The following ADRA1B variants were observed in gnomAD, a reference collection of about 807,000 sequenced individuals.
ADRA1B encodes the protein alpha-1B adrenergic receptor.
A neutral mutation model predicts 17.9 loss-of-function variants in ADRA1B; 17 were observed. The ratio of observed to expected loss-of-function variants is 0.95; its 90% CI spans 0.65 to 1.42. ADRA1B has a LOEUF of 1.42. ADRA1B is among the 40% of genes most tolerant of loss of function. ADRA1B has a pLI of 0.00. For synonymous variants in ADRA1B, 366 were observed against 327.6 expected, an observed-to-expected ratio of 1.12 and a Z score of -1.27; for missense variants, 681 against 722.1, an observed-to-expected ratio of 0.94 and a Z score of 0.65.
intron 1 of ADRA1B, chr5:159,869,203 A>T (rs1397671503): frequency 2.0e-5 from 3 of 152,238 alleles, no homozygotes; most frequent in African/African-American, 7.2e-5. Context: ...ACAGAGCTGA[A>T]TACTCCTACT....
At chr5:159,875,027 A>G (rs1720466719) in intron 1 of ADRA1B, among the ~76,000 whole-genome samples, 1 of 152,134 alleles carries the variant, frequency 6.6e-6, no homozygotes, top group African/African-American at 2.4e-5. Flanking sequence ...CAGGATGGCA[A>G]TTTCCTGGGA....
At chr5:159,876,933 C>G (rs1482193459) in intron 1 of ADRA1B, among the ~76,000 whole-genome samples, 1 of 152,210 alleles carries the variant, frequency 6.6e-6, no homozygotes, top group African/African-American at 2.4e-5. Flanking sequence ...GCCTGGCCAT[C>G]AGAGAGCAGG....
intron 1 of ADRA1B, among the ~76,000 whole-genome samples, chr5:159,878,141 G>T (rs900354842): frequency 1.3e-5 from 2 of 152,174 alleles, no homozygotes; most frequent in Non-Finnish European, 2.9e-5. Context: ...CCGACAGTCC[G>T]GGACGCCAGG....
At chr5:159,938,395 C>T (rs1008410992) in intron 1 of ADRA1B, among the ~76,000 whole-genome samples, 6 of 152,290 alleles carry the variant, frequency 3.9e-5, no homozygotes, top group Non-Finnish European at 5.9e-5. Context: ...ATGATGGAAA[C>T]GTTAGGGAAT....
intron 1 of ADRA1B, among the ~76,000 whole-genome samples, chr5:159,967,170 CT>C (rs2113292017): frequency 6.6e-6 from 1 of 152,040 alleles, no homozygotes; most frequent in South Asian, 2.1e-4. Context: ...GCATGTATTA[CT>C]TTTGAAATAA....
intron 1 of ADRA1B, among the ~76,000 whole-genome samples, chr5:159,933,379 G>A (rs965428903): frequency 1.3e-5 from 2 of 152,188 alleles, no homozygotes; most frequent in South Asian, 2.1e-4. Flanking sequence ...GGCCTCAGAT[G>A]TATATTGTCA....
At chr5:159,911,789 A>T (rs1754229654), upstream of ADRA1B, among the ~76,000 whole-genome samples, 1 of 152,096 alleles carries the variant, frequency 6.6e-6, no homozygotes. Context: ...TCATCCTCCC[A>T]CCAGGGTACA....
At chr5:159,895,164 G>A (rs1247076764) in intron 1 of ADRA1B, among the ~76,000 whole-genome samples, 1 of 152,174 alleles carries the variant, frequency 6.6e-6, no homozygotes, top group African/African-American at 2.4e-5. Flanking sequence ...GTTGACCTAG[G>A]CCGACAAGTG....
At chr5:159,940,182 G>C (rs1215132833) in intron 1 of ADRA1B, among the ~76,000 whole-genome samples, 1 of 152,198 alleles carries the variant, frequency 6.6e-6, no homozygotes, top group Non-Finnish European at 1.5e-5. Flanking sequence ...CAAAGACTTT[G>C]CTTGACCAAA....
intron 1 of ADRA1B, among the ~76,000 whole-genome samples, chr5:159,923,910 A>C (rs1754564483): frequency 6.6e-6 from 1 of 152,278 alleles, no homozygotes; most frequent in South Asian, 2.1e-4. Context: ...TTTGCAGAGC[A>C]AGCATCGTCA....
chr5:159,867,076 T>A (rs914341362), intron 1 of ADRA1B: 8 of 152,204 alleles, frequency 5.3e-5, no homozygotes, highest in Admixed American at 2.0e-4. Context: ...TCAAGAAACA[T>A]CTACTTACTC....
At chr5:159,940,176 G>T (rs1254617859) in intron 1 of ADRA1B, among the ~76,000 whole-genome samples, 1 of 152,216 alleles carries the variant, frequency 6.6e-6, no homozygotes, top group Non-Finnish European at 1.5e-5. Flanking sequence ...TACTGGCAAA[G>T]ACTTTGCTTG....
downstream of ADRA1B, among the ~76,000 whole-genome samples, chr5:159,976,839 G>T (rs1436769590): frequency 8.5e-5 from 13 of 152,188 alleles, no homozygotes; most frequent in South Asian, 2.5e-3. Context: ...AGATGGAGGA[G>T]GGGACCAGGA....
intron 1 of ADRA1B, among the ~76,000 whole-genome samples, chr5:159,925,017 A>G (rs921601962): frequency 2.6e-5 from 4 of 152,148 alleles, no homozygotes; most frequent in Admixed American, 1.3e-4. Flanking sequence ...TCCTCATTTT[A>G]CAGATGAGGA....
intron 1 of ADRA1B, among the ~76,000 whole-genome samples, chr5:159,926,728 A>G (rs1176200398): frequency 6.6e-6 from 1 of 151,934 alleles, no homozygotes; most frequent in Non-Finnish European, 1.5e-5. Flanking sequence ...CACTACTAAA[A>G]ACACAAAAAT....
chr5:159,958,278 A>G (rs72810113), intron 1 of ADRA1B, among the ~76,000 whole-genome samples: 7,432 of 152,276 alleles, frequency 0.049, 233 homozygotes, highest in East Asian at 0.13. Flanking sequence ...TTAAATAGCT[A>G]TCCTGTTGCC....
chr5:159,887,431 G>A (rs1203681044), intron 1 of ADRA1B, among the ~76,000 whole-genome samples: 1 of 152,170 alleles, frequency 6.6e-6, no homozygotes, highest in Non-Finnish European at 1.5e-5. Flanking sequence ...GATGGATGTT[G>A]AAAAGACTTC....
chr5:159,894,589 G>GT (rs1164922148), intron 1 of ADRA1B, among the ~76,000 whole-genome samples: 14 of 151,502 alleles, frequency 9.2e-5, no homozygotes, highest in East Asian at 5.8e-4. Flanking sequence ...TGCCGAACTT[G>GT]TTTTTTTTTA....
At chr5:159,897,089 C>T (rs1239158997) in intron 1 of ADRA1B, among the ~76,000 whole-genome samples, 2 of 152,234 alleles carry the variant, frequency 1.3e-5, no homozygotes, top group East Asian at 1.9e-4. Context: ...CAAAGTCACA[C>T]AGCAAGGAGA....
Sources: allele counts gnomAD v4.1 joint callset (sites outside exome capture counted in the v4.1 genomes callset), GRCh38; gene constraint gnomAD v4.1.1; transcripts MANE v1.5; gene names NCBI Gene and HGNC (gene_info 2026-07-23, HGNC 2026-07-21).